The following APBB2 variants were observed in gnomAD, a reference collection of about 807,000 sequenced individuals.
APBB2 encodes the protein amyloid beta precursor protein binding family B member 2, also known as Fe65-like 1.
A neutral mutation model predicts 82.5 loss-of-function variants in APBB2; 38 were observed. The observed-to-expected ratio is 0.46, with a 90% confidence interval of 0.36 to 0.60. APBB2 has a LOEUF of 0.60. APBB2 is among the 20% of genes least tolerant of loss of function. The pLI, the probability that APBB2 is intolerant of heterozygous loss-of-function variation, is 0.00. For missense variants in APBB2, 772 were observed against 972.3 expected (o/e 0.79, Z 2.74); for synonymous variants, 341 against 368.2 (o/e 0.93, Z 0.85).
chr4:41,165,213 G>A (rs1263188750), intron 1 of APBB2, among the ~76,000 whole-genome samples: 1 of 152,174 alleles, frequency 6.6e-6, no homozygotes, highest in Non-Finnish European at 1.5e-5. Flanking sequence ...TCACTTAACT[G>A]TTTCCTCACT....
At chr4:40,868,325 G>C (rs897207094) in intron 12 of APBB2, among the ~76,000 whole-genome samples, 1 of 152,148 alleles carries the variant, frequency 6.6e-6, no homozygotes, top group African/African-American at 2.4e-5. Flanking sequence ...ACATGCACTT[G>C]GATTTGAGCA....
At chr4:41,088,666 A>AT (rs1452287933) in intron 3 of APBB2, among the ~76,000 whole-genome samples, 2 of 152,180 alleles carry the variant, frequency 1.3e-5, no homozygotes, top group Non-Finnish European at 2.9e-5. Flanking sequence ...TGAAGTAGGG[A>AT]TTGGATGGTC....
chr4:41,041,815 T>A (rs1264621966), intron 4 of APBB2, among the ~76,000 whole-genome samples: 5 of 152,162 alleles, frequency 3.3e-5, no homozygotes, highest in Non-Finnish European at 5.9e-5. Context: ...AAAAGCCTAT[T>A]TTCTGAAATG....
At chr4:41,110,192 C>A (rs982576821) in intron 2 of APBB2, among the ~76,000 whole-genome samples, 5 of 152,238 alleles carry the variant, frequency 3.3e-5, no homozygotes, top group Non-Finnish European at 5.9e-5. Flanking sequence ...AGCCGGAATG[C>A]AAGGCCCGTG....
chr4:41,001,849 G>A (rs1805326592), intron 6 of APBB2, among the ~76,000 whole-genome samples: 1 of 150,946 alleles, frequency 6.6e-6, no homozygotes, highest in Non-Finnish European at 1.5e-5. Context: ...CTGCACTCCA[G>A]CCTGGGTGAC....
chr4:41,063,031 C>T lies in APBB2; in HGVS notation c.-51+2545G>A, dbSNP rs531639295. 4.6e-5 allele frequency among the ~76,000 whole-genome samples: 7 copies of T among 152,312 alleles called. No homozygotes were observed. The South Asian group carries it at 1.5e-3, about 32-fold the overall frequency. The stretch of plus-strand genomic sequence containing the variant: ...TTCAGATAAATTTACTTCTTCCACT[C>T]CAAGAGCCCAAATGTTAGCATTTTA... On this transcript the variant is annotated intron_variant, in intron 4 of 17. Transcript: ENST00000508593.
At chr4:40,994,217 G>A (rs1802977007) in intron 6 of APBB2, among the ~76,000 whole-genome samples, 2 of 151,718 alleles carry the variant, frequency 1.3e-5, no homozygotes, top group African/African-American at 4.8e-5. Context: ...AACCTGGGAG[G>A]TGGAGCTTGC....
intron 1 of APBB2, among the ~76,000 whole-genome samples, chr4:41,196,409 C>T: frequency 6.6e-6 from 1 of 152,150 alleles, no homozygotes; most frequent in East Asian, 1.9e-4. Context: ...CATAGGTAAC[C>T]TTTGCCCAGC....
chr4:40,909,831 C>T (rs931468386), intron 10 of APBB2, among the ~76,000 whole-genome samples: 23 of 152,112 alleles, frequency 1.5e-4, no homozygotes, highest in Non-Finnish European at 7.3e-5. Flanking sequence ...TGAAGGTGGG[C>T]GCTGACATTT....
chr4:41,049,973 A>G (rs978358980), intron 4 of APBB2, among the ~76,000 whole-genome samples: 10 of 152,068 alleles, frequency 6.6e-5, no homozygotes, highest in African/African-American at 2.2e-4. Context: ...CAGGGACACA[A>G]ACACTGCGGA....
chr4:41,063,044 T>C (rs939017192), intron 4 of APBB2, among the ~76,000 whole-genome samples: 5 of 152,226 alleles, frequency 3.3e-5, no homozygotes, highest in Non-Finnish European at 5.9e-5. Flanking sequence ...AGAGCCCAAA[T>C]GTTAGCATTT....
chr4:41,207,157 C>T (rs908980922), intron 1 of APBB2, among the ~76,000 whole-genome samples: 1 of 131,210 alleles, frequency 7.6e-6, no homozygotes, highest in Non-Finnish European at 1.5e-5. Context: ...CGAGATTAAG[C>T]CACTGCATTC....
intron 1 of APBB2, among the ~76,000 whole-genome samples, chr4:41,210,921 G>GAC (rs1377985546): frequency 6.6e-6 from 1 of 152,198 alleles, no homozygotes; most frequent in African/African-American, 2.4e-5. Flanking sequence ...AGCATAAGAT[G>GAC]ATATATACAA....
intron 6 of APBB2, among the ~76,000 whole-genome samples, chr4:40,955,772 CTTTTTCTTTTTT>C (rs1326602739): frequency 2.6e-5 from 4 of 151,728 alleles, no homozygotes; most frequent in African/African-American, 9.7e-5. Flanking sequence ...ACATATTTTT[CTTTTTCTTTTTT>C]TTTTTCTTTG....
chr4:41,106,307 C>T (rs1459437047), intron 2 of APBB2, among the ~76,000 whole-genome samples: 2 of 152,222 alleles, frequency 1.3e-5, no homozygotes, highest in Non-Finnish European at 2.9e-5. Context: ...TCCTCTTCAA[C>T]CTCTAGCCCA....
intron 1 of APBB2, among the ~76,000 whole-genome samples, chr4:41,194,515 T>C: frequency 6.6e-6 from 1 of 152,188 alleles, no homozygotes; most frequent in Non-Finnish European, 1.5e-5. Context: ...AAACCCTGTC[T>C]CTACCAAAAA....
At chr4:41,156,641 G>A (rs936449406) in intron 1 of APBB2, among the ~76,000 whole-genome samples, 1 of 152,194 alleles carries the variant, frequency 6.6e-6, no homozygotes, top group Non-Finnish European at 1.5e-5. Context: ...ACAGAAGATG[G>A]AGCAAAGTAT....
At chr4:40,821,819 T>C (rs1748045443) in intron 17 of APBB2, 52 bp downstream of exon 17, 3 of 1,598,454 alleles carry the variant, frequency 1.9e-6, no homozygotes, top group Non-Finnish European at 2.6e-6. Context: ...TATGGCATAT[T>C]AGAGATGAGC....
chr4:40,887,537 G>A (rs564271365), intron 12 of APBB2, among the ~76,000 whole-genome samples: 4 of 151,956 alleles, frequency 2.6e-5, no homozygotes, highest in Non-Finnish European at 5.9e-5. Flanking sequence ...CTTGTAAATT[G>A]CTGTTAAGGA....
Sources: allele counts gnomAD v4.1 joint callset (sites outside exome capture counted in the v4.1 genomes callset), GRCh38; gene constraint gnomAD v4.1.1; transcripts MANE v1.5; gene names NCBI Gene and HGNC (gene_info 2026-07-23, HGNC 2026-07-21).